The following KLHL6 variants were observed in gnomAD, a reference collection of about 807,000 sequenced individuals.
KLHL6 encodes kelch like family member 6, also known as kelch-like protein 6.
KLHL6 carries 41 observed loss-of-function variants against 58.6 expected under a neutral mutation model. The observed-to-expected ratio is 0.70, with a 90% CI of 0.55 to 0.91. KLHL6 has a LOEUF of 0.91. Ranked by LOEUF, KLHL6 falls within the 40% of genes least tolerant of loss-of-function variation. KLHL6 has a pLI of 0.00. For synonymous variants in KLHL6, 338 were observed against 322.7 expected, an observed-to-expected ratio of 1.05 and a Z score of -0.51; for missense variants, 714 against 805.6, an observed-to-expected ratio of 0.89 and a Z score of 1.38.
intron 2 of KLHL6, among the ~76,000 whole-genome samples, chr3:183,514,204 C>T (rs1259071912): frequency 6.6e-6 from 1 of 152,204 alleles, no homozygotes; most frequent in African/African-American, 2.4e-5. Context: ...TAATACAACA[C>T]GGAGTGTGGA....
intron 1 of KLHL6, 66 bp downstream of exon 1, chr3:183,555,295 C>T (rs1713068994): frequency 2.9e-6 from 4 of 1,393,714 alleles, no homozygotes; most frequent in South Asian, 2.6e-5. Context: ...AGATTGGGCT[C>T]TCACACTAAC....
chr3:183,521,108 A>G (rs1711743126), intron 2 of KLHL6: 1 of 152,262 alleles, frequency 6.6e-6, no homozygotes, highest in African/African-American at 2.4e-5. Context: ...GATGACTTTT[A>G]CCAAGCATAC....
At chr3:183,501,041 G>A (rs756543368) in intron 3 of KLHL6, among the ~76,000 whole-genome samples, 4 of 152,174 alleles carry the variant, frequency 2.6e-5, no homozygotes, top group Non-Finnish European at 5.9e-5. Context: ...AGTGAGTTCC[G>A]CATCCTCCGT....
At position 183,489,945 on chromosome 3, in the gene KLHL6, C is replaced by T. The variant is rs1478667825; in HGVS notation, c.*1982G>A. 1.3e-5 allele frequency: 2 copies of T among 152,026 alleles called. No homozygotes were observed. Among genetic ancestry groups the T allele is most frequent in the African/African-American group, 2.4e-5 (1 of 41,380 alleles). The allele number at this position is 152,026 out of a possible 1,614,324, so 9.4% of individuals were successfully genotyped here. On this transcript the variant is annotated 3_prime_UTR_variant, in exon 7 of 7. Transcript: ENST00000341319. ...AACTGCTGAAAAGAACAAGCCACAC[C>T]GGATATGAAATAAAACTCTATAAAG...
At chr3:183,544,140 G>A (rs928959151) in intron 1 of KLHL6, among the ~76,000 whole-genome samples, 8 of 141,552 alleles carry the variant, frequency 5.7e-5, no homozygotes, top group African/African-American at 2.2e-4. Flanking sequence ...TCCAGCCTGG[G>A]CGACAAGAGC....
chr3:183,492,035 C>A lies in KLHL6; in HGVS notation c.1758G>T (p.Leu586=). The change falls in exon 7 of 7, where the codon CTG becomes CTT. Residue 586 remains leucine, a synonymous_variant. Transcript: ENST00000341319. This position sits in a 1 kb window ranked among gnomAD's most constrained non-coding sequence, Gnocchi z 5.9. The part of the protein sequence containing the change: ...VLCWDPEAQK[L]TEECVLPRGV... ...CCCGGGGCAGGACGCACTCCTCTGT[C>A]AGTTTCTGGGCCTCGGGGTCCCAGC... 1.2e-6 allele frequency: 2 copies of A among 1,613,790 alleles called. No individual in the cohort carries two copies. Among genetic ancestry groups the A allele is most frequent in the Non-Finnish European group, 1.7e-6 (2 of 1,179,858 alleles).
At chr3:183,535,562 T>A (rs1577198809) in intron 1 of KLHL6, among the ~76,000 whole-genome samples, 3 of 152,156 alleles carry the variant, frequency 2.0e-5, no homozygotes, top group South Asian at 4.1e-4. Context: ...CATTTAGAAA[T>A]GTTATTTCAC....
chr3:183,539,316 A>G (rs1169999430), intron 1 of KLHL6, among the ~76,000 whole-genome samples: 1 of 152,214 alleles, frequency 6.6e-6, no homozygotes, highest in Non-Finnish European at 1.5e-5. Context: ...ATCAGGTGGC[A>G]ATCCCATTCC....
rs1345934539 is a variant in KLHL6, at chr3:183,491,667, G to T, written c.*260C>A. 1 of 365,906 alleles carries T rather than the reference G, an allele frequency of 2.7e-6. No individual in the cohort carries two copies. The highest frequency in any genetic ancestry group is 4.9e-6 in the Non-Finnish European group (1 of 205,020). 22.7% of individuals were successfully genotyped at this position (365,906 alleles called of 1,614,324 possible). A position where few individuals can be genotyped will look rare whatever the true frequency, so the allele number is the denominator to read the frequency against. ...AAAGGAAGTGCCTGGCACAGAAGCC[G>T]GCATAGGGTGGGTGGGTCCTGAATG... On this transcript the variant is annotated 3_prime_UTR_variant, in exon 7 of 7. Coordinates refer to ENST00000341319, the MANE Select transcript of KLHL6 (RefSeq NM_130446.4).
Position 183,499,721 on chromosome 3 carries a change from C to T in KLHL6, c.1016G>A (p.Cys339Tyr). ...KDERFVAEVT[C>Y]LDPLRRSRLE... Reference sequence around the variant, plus strand: ...GCGGCTGCGCCTCAGGGGGTCCAGGCAGGTCACCTCTGCCACAAACCGTTC... The same window carrying T: ...GCGGCTGCGCCTCAGGGGGTCCAGGTAGGTCACCTCTGCCACAAACCGTTC... The change falls in exon 4 of 7, where the codon TGC becomes TAC. Residue 339 changes from cysteine (C) to tyrosine (Y), a missense_variant. This residue lies in a region of KLHL6 where 510 missense variants were observed against 629.7 expected (regional missense o/e 0.81). Transcript: ENST00000341319. The surrounding 1 kb of genome is among the most constrained non-coding windows in gnomAD (Gnocchi z 4.6). 6.2e-7 allele frequency: 1 copy of T among 1,611,406 alleles called. No individual in the cohort carries two copies. The highest frequency in any genetic ancestry group is 8.5e-7 in the Non-Finnish European group (1 of 1,178,994).
Position 183,499,839 on chromosome 3 carries a change from T to A in KLHL6, c.910-12A>T. 6.4e-7 allele frequency: 1 copy of A among 1,553,096 alleles called. No homozygotes were observed. The highest frequency in any genetic ancestry group is 8.7e-7 in the Non-Finnish European group (1 of 1,145,374). On this transcript the variant is annotated splice_polypyrimidine_tract_variant and intron_variant, in intron 3 of 6. Coordinates refer to ENST00000341319, the MANE Select transcript of KLHL6 (RefSeq NM_130446.4). The surrounding 1 kb of genome is among the most constrained non-coding windows in gnomAD (Gnocchi z 4.6). ...CGTTCCGAAATGATCTGGAAATCGA[T>A]GGGGGTACATGAAGGCAGGGACAAC...
At chr3:183,535,195 A>T (rs1712324801) in intron 1 of KLHL6, among the ~76,000 whole-genome samples, 1 of 152,122 alleles carries the variant, frequency 6.6e-6, no homozygotes, top group African/African-American at 2.4e-5. Flanking sequence ...TGCCCGCCTC[A>T]GCCTCCCAAA....
intron 1 of KLHL6, among the ~76,000 whole-genome samples, chr3:183,533,249 A>G (rs1488440578): frequency 6.6e-6 from 1 of 150,916 alleles, no homozygotes; most frequent in African/African-American, 2.4e-5. Flanking sequence ...ATCAATCATC[A>G]GTTCTTTCCT....
At chr3:183,532,094 C>A (rs1712182625) in intron 1 of KLHL6, among the ~76,000 whole-genome samples, 1 of 152,126 alleles carries the variant, frequency 6.6e-6, no homozygotes, top group South Asian at 2.1e-4. Context: ...AACCCTAACC[C>A]CTAATGTGAA....
chr3:183,543,165 T>C (rs916142571), intron 1 of KLHL6, among the ~76,000 whole-genome samples: 1 of 151,978 alleles, frequency 6.6e-6, no homozygotes, highest in South Asian at 2.1e-4. Flanking sequence ...TGTTGACCTG[T>C]AATCCCAGCT....
intron 2 of KLHL6, among the ~76,000 whole-genome samples, chr3:183,515,880 C>T (rs1359911302): frequency 1.3e-5 from 2 of 152,200 alleles, no homozygotes; most frequent in Non-Finnish European, 2.9e-5. Flanking sequence ...AAGATCTGTG[C>T]TAGACACATT....
intron 1 of KLHL6, among the ~76,000 whole-genome samples, chr3:183,553,341 A>C (rs781561723): frequency 1.3e-5 from 2 of 152,160 alleles, no homozygotes; most frequent in Non-Finnish European, 2.9e-5. Flanking sequence ...CCAAATTCCC[A>C]TTTAGGATGA....
chr3:183,555,341 C>G lies in KLHL6; in HGVS notation c.293+20G>C, dbSNP rs12163540. On this transcript the variant is annotated intron_variant, in intron 1 of 6. Transcript: ENST00000341319. ...CTTGCAACTTGCACCCAATTTGACT[C>G]TGGTCCTAGGCATGCTGACCTGAAA... is the stretch of plus-strand genomic sequence containing the variant. 92,328 of 1,608,470 alleles carry G rather than the reference C, an allele frequency of 0.057. 2,955 individuals carry two copies. The highest frequency in any genetic ancestry group is 0.062 in the African/African-American group (4,680 of 74,884).
At chr3:183,498,188 C>A (rs1717767798) in intron 4 of KLHL6, among the ~76,000 whole-genome samples, 1 of 152,124 alleles carries the variant, frequency 6.6e-6, no homozygotes, top group Admixed American at 6.5e-5. Flanking sequence ...GAGCCGAGAT[C>A]ACGCCACTGC....
Sources: gnomAD v4.1 joint callset for allele counts (sites outside exome capture counted in the v4.1 genomes callset) on GRCh38, gnomAD v4.1.1 for gene constraint, gnomAD v4.1.1 regional missense constraint, Gnocchi (gnomAD v3.1) non-coding constraint, MANE v1.5 for transcripts, NCBI Gene and HGNC (gene_info 2026-07-23, HGNC 2026-07-21) for gene names.